The following SIGLEC10 variants were observed in gnomAD, a reference collection of about 807,000 sequenced individuals.
SIGLEC10 encodes the protein sialic acid-binding Ig-like lectin 10.
A neutral mutation model predicts 68.3 loss-of-function variants in SIGLEC10; 45 were observed. That is an observed-to-expected ratio of 0.66 (90% CI 0.52 to 0.84). The LOEUF (loss-of-function observed/expected upper bound fraction) is 0.84, where lower values mean the gene tolerates loss of function less well. Among genes scored for constraint, SIGLEC10 ranks in the 40% least tolerant of loss-of-function variants. SIGLEC10 has a pLI of 0.00. For synonymous variants in SIGLEC10, 379 were observed against 370.8 expected (o/e 1.02, Z -0.26); for missense variants, 789 against 883.1 (o/e 0.89, Z 1.35).
At position 51,414,633 on chromosome 19, in the gene SIGLEC10, C is replaced by G. The variant is rs532235874; in HGVS notation, c.1616-118G>C. On this transcript the variant is annotated intron_variant, in intron 8 of 10. Coordinates refer to ENST00000339313, the MANE Select transcript of SIGLEC10 (RefSeq NM_033130.5). The surrounding 1 kb of genome is among the most constrained non-coding windows in gnomAD (Gnocchi z 4.1). ...GGCGGACATTGTATCTGCAACCCCT[C>G]TGTTTACTTTTAGGAAACCCTGCCA... 1.5e-6 allele frequency: 2 copies of G among 1,357,490 alleles called. No homozygotes were observed. Among genetic ancestry groups the G allele is most frequent in the East Asian group, 4.7e-5 (2 of 42,336 alleles). The allele number at this position is 1,357,490 out of a possible 1,614,324, so 84.1% of individuals were successfully genotyped here.
chr19:51,415,997 C>G lies in SIGLEC10; in HGVS notation c.925G>C (p.Glu309Gln), dbSNP rs1241623020. ...TCCCCAGCCTTCACCCCGGGCAGCT[C>G]CAGCCCCAGGGGTCTAGGGCCCCAG... is the stretch of plus-strand genomic sequence containing the variant. Reference protein sequence around the residue: ...HPWGPRPLGLELPGVKAGDSG... With the variant: ...HPWGPRPLGLQLPGVKAGDSG... The change falls in exon 5 of 11, where the codon GAG becomes CAG. Residue 309 changes from glutamate to glutamine, a missense_variant. Glu to Gln is a conservative substitution (Grantham distance 29). Transcript: ENST00000339313. The G allele has an allele frequency of 4.3e-6, 7 of 1,613,472 alleles. No individual in the cohort carries two copies. Among genetic ancestry groups the G allele is most frequent in the Non-Finnish European group, 4.2e-6 (5 of 1,180,002 alleles).
At position 51,414,771 on chromosome 19, in the gene SIGLEC10, T is replaced by C. The variant is rs1988408141; in HGVS notation, c.1615+53A>G. 1 of 1,606,686 alleles carries C rather than the reference T, an allele frequency of 6.2e-7. No homozygotes were observed. Among genetic ancestry groups the C allele is most frequent in the Non-Finnish European group, 8.5e-7 (1 of 1,177,948 alleles). On this transcript the variant is annotated intron_variant, in intron 8 of 10. Transcript: ENST00000339313. This position sits in a 1 kb window ranked among gnomAD's most constrained non-coding sequence, Gnocchi z 4.1. ...GCTCCAACCACAGGACCCTACTCTT[T>C]GCCCCAGTCAGCTTCTCCTCCAAGA...
rs142490331 is a variant in SIGLEC10, at chr19:51,414,864, G to T, written c.1575C>A (p.Asn525Lys). ...SGLRLRCEAW[N>K]VHGAQSGSIL... The stretch of plus-strand genomic sequence containing the variant: ...TGGATCCACTCTGGGCCCCATGGAC[G>T]TTCCAGGCCTCACAGCGGAGCCTGA... Residue 525 changes from asparagine to lysine, a missense_variant, in exon 8 of 11, where the codon AAC becomes AAA. Asn to Lys is a moderately conservative substitution (Grantham distance 94). Coordinates refer to ENST00000339313, the MANE Select transcript of SIGLEC10 (RefSeq NM_033130.5). This position sits in a 1 kb window ranked among gnomAD's most constrained non-coding sequence, Gnocchi z 4.1. 7 of 1,614,084 alleles carry T rather than the reference G, an allele frequency of 4.3e-6. No homozygotes were observed. The South Asian group carries it at 7.7e-5, about 18-fold the overall frequency.
intron 10 of SIGLEC10, among the ~76,000 whole-genome samples, chr19:51,412,509 C>T (rs1260306518): frequency 1.3e-5 from 2 of 150,972 alleles, no homozygotes; most frequent in African/African-American, 2.4e-5. Flanking sequence ...GATGAAGTTT[C>T]GCTCTTGTTG....
In SIGLEC10 at chr19:51,411,012, G is replaced by A; in HGVS notation, c.*87C>T. On this transcript the variant is annotated 3_prime_UTR_variant, in exon 11 of 11. Coordinates refer to ENST00000339313, the MANE Select transcript of SIGLEC10 (RefSeq NM_033130.5). Reference sequence around the variant, plus strand: ...AGAGAAAGAGAGAGAGAGAGGGAGAGAAGGAAACTTTGCACTCTGTTATCT... The same window carrying A: ...AGAGAAAGAGAGAGAGAGAGGGAGAAAAGGAAACTTTGCACTCTGTTATCT... 1 of 1,428,466 alleles carries A rather than the reference G, an allele frequency of 7.0e-7. No individual in the cohort carries two copies. The highest frequency in any genetic ancestry group is 9.5e-7 in the Non-Finnish European group (1 of 1,052,768). 88.5% of individuals were successfully genotyped at this position (1,428,466 alleles called of 1,614,324 possible). A position where few individuals can be genotyped will look rare whatever the true frequency, so the allele number is the denominator to read the frequency against.
Position 51,415,987 on chromosome 19 carries a change from C to T in SIGLEC10, c.935G>A (p.Gly312Glu). ...GCGCCCTGAATCCCCAGCCTTCACC[C>T]CGGGCAGCTCCAGCCCCAGGGGTCT... ...GPRPLGLELP[G>E]VKAGDSGRYT... The change falls in exon 5 of 11, where the codon GGG becomes GAG. Residue 312 changes from glycine to glutamate, a missense_variant. Coordinates refer to ENST00000339313, the MANE Select transcript of SIGLEC10 (RefSeq NM_033130.5). 2 of 1,613,600 alleles carry T rather than the reference C, an allele frequency of 1.2e-6. No individual in the cohort carries two copies. The highest frequency in any genetic ancestry group is 1.7e-6 in the Non-Finnish European group (2 of 1,179,992).
In SIGLEC10 at chr19:51,415,919, C is replaced by T. The variant is rs1988573828; in HGVS notation, c.1003G>A (p.Ala335Thr). 5.0e-6 allele frequency: 8 copies of T among 1,613,126 alleles called. No individual in the cohort carries two copies. The highest frequency in any genetic ancestry group is 6.8e-6 in the Non-Finnish European group (8 of 1,180,006). ...AENRLGSQQR[A>T]LDLSVQYPPE... ...TCACACTGCACAGAGAGGTCCAGGGCTCGCTGCTGGGAGCCAAGCCTGTTC... is the reference window on the plus strand; with the variant it reads ...TCACACTGCACAGAGAGGTCCAGGGTTCGCTGCTGGGAGCCAAGCCTGTTC... Residue 335 changes from alanine (A) to threonine (T), a missense_variant, in exon 5 of 11, where the codon GCC (alanine) becomes ACC (threonine). Physicochemically the swap from Ala to Thr is moderately conservative, Grantham distance 58. Coordinates refer to ENST00000339313, the MANE Select transcript of SIGLEC10 (RefSeq NM_033130.5).
Position 51,413,688 on chromosome 19 carries a change from T to C in SIGLEC10, c.1821+24A>G, listed in dbSNP as rs111875734. ...TGTCAGCTTTAGAGAAGAGAAAAAG[T>C]GGAAGCATGGCCCAGACACTCACCA... On this transcript the variant is annotated intron_variant, in intron 10 of 10. Coordinates refer to ENST00000339313, the MANE Select transcript of SIGLEC10 (RefSeq NM_033130.5). 6,221 of 1,600,432 alleles carry C rather than the reference T, an allele frequency of 3.9e-3. 100 individuals carry two copies. The African/African-American group carries it at 0.045, about 12-fold the overall frequency.
At chr19:51,415,144 C>T (rs778353591) in intron 7 of SIGLEC10, 36 bp from the exon 8 acceptor site, 3 of 1,578,112 alleles carry the variant, frequency 1.9e-6, no homozygotes, top group Middle Eastern at 1.7e-4. Context: ...GCAGGGTCCC[C>T]TTCCTGGGAC....
rs756996525 is a variant in SIGLEC10, at chr19:51,416,516, C to T, written c.706+150G>A. 5.1e-6 allele frequency: 8 copies of T among 1,576,636 alleles called. No homozygotes were observed. The African/African-American group carries it at 5.4e-5, about 11-fold the overall frequency. On this transcript the variant is annotated intron_variant, in intron 3 of 10. Transcript: ENST00000339313. The stretch of plus-strand genomic sequence containing the variant: ...TGGACCAGACGCCATTCCCATCCCC[C>T]TCCCAGGGCTGCGGCGGCATCCTGG...
chr19:51,415,558 C>T lies in SIGLEC10; in HGVS notation c.1072+10G>A, dbSNP rs753812287. The T allele has an allele frequency of 6.2e-6, 10 of 1,613,928 alleles. No individual in the cohort carries two copies. Among genetic ancestry groups the T allele is most frequent in the Non-Finnish European group, 8.5e-6 (10 of 1,179,922 alleles). On this transcript the variant is annotated intron_variant, in intron 6 of 10. Transcript: ENST00000339313. ...CTGAGAGGCCTTGGCTCCTCTGTCCCCTTTCCTACCTGTCCTGTTTGCTTG... is the reference window on the plus strand; with the variant it reads ...CTGAGAGGCCTTGGCTCCTCTGTCCTCTTTCCTACCTGTCCTGTTTGCTTG...
At position 51,417,104 on chromosome 19, in the gene SIGLEC10, A is replaced by G; in HGVS notation, c.399T>C (p.Asp133=). The change falls in exon 2 of 11, where the codon GAT becomes GAC. Residue 133 remains aspartate, a synonymous_variant. Coordinates refer to ENST00000339313, the MANE Select transcript of SIGLEC10 (RefSeq NM_033130.5). ...GSYVRYNFMN[D]GFFLKVTALT... ...TACCTGTTACTTTTAGAAAGAACCC[A>G]TCGTTCATGAAATTATATCTCACAT... The G allele has an allele frequency of 6.2e-7, 1 of 1,614,174 alleles. No individual in the cohort carries two copies. Among genetic ancestry groups the G allele is most frequent in the Non-Finnish European group, 8.5e-7 (1 of 1,180,004 alleles).
chr19:51,410,428 C>G lies in SIGLEC10; in HGVS notation c.*671G>C, dbSNP rs1027242379. The G allele has an allele frequency of 1.3e-5, 2 of 152,370 alleles. No individual in the cohort carries two copies. The highest frequency in any genetic ancestry group is 4.8e-5 in the African/African-American group (2 of 41,466). The allele number at this position is 152,370 out of a possible 1,614,324, so 9.4% of individuals were successfully genotyped here. ...TCTGAGAATGCAGCCCAGTAGGTCT[C>G]AGCCTCATTTTATTCAGCTCCTATT... On this transcript the variant is annotated 3_prime_UTR_variant, in exon 11 of 11. Coordinates refer to ENST00000339313, the MANE Select transcript of SIGLEC10 (RefSeq NM_033130.5).
In SIGLEC10 at chr19:51,415,461, C is replaced by G. The variant is rs200313674; in HGVS notation, c.1073-23G>C. 72 of 1,609,578 alleles carry G rather than the reference C, an allele frequency of 4.5e-5. No homozygotes were observed. In the East Asian group the frequency reaches 1.6e-3, roughly 35 times the overall value. On this transcript the variant is annotated intron_variant, in intron 6 of 10. Transcript: ENST00000339313. The stretch of plus-strand genomic sequence containing the variant: ...GGACTAGGGAAGGAAGAGGCAGAAT[C>G]GATGAGCAGCTCAGGGCTCAGGGAC...
At chr19:51,415,695 G>T (rs1335337546) in intron 5 of SIGLEC10, 80 bp from the exon 6 acceptor site, 6 of 1,608,190 alleles carry the variant, frequency 3.7e-6, no homozygotes, top group Non-Finnish European at 5.1e-6. Flanking sequence ...GGACACTGAG[G>T]TGGGGGAAGT....
rs143183042 is a variant in SIGLEC10, at chr19:51,415,921, C to T, written c.1001G>A (p.Arg334Gln). 2.8e-4 allele frequency: 445 copies of T among 1,612,876 alleles called. No individual in the cohort carries two copies. Among genetic ancestry groups the T allele is most frequent in the Middle Eastern group, 7.6e-4 (4 of 5,270 alleles). Residue 334 changes from arginine to glutamine, a missense_variant, in exon 5 of 11, where the codon CGA becomes CAA. Transcript: ENST00000339313. Reference sequence around the variant, plus strand: ...ACACTGCACAGAGAGGTCCAGGGCTCGCTGCTGGGAGCCAAGCCTGTTCTC... The same window carrying T: ...ACACTGCACAGAGAGGTCCAGGGCTTGCTGCTGGGAGCCAAGCCTGTTCTC... Reference protein sequence around the residue: ...RAENRLGSQQRALDLSVQYPP... With the variant: ...RAENRLGSQQQALDLSVQYPP...
intron 3 of SIGLEC10, 30 bp from the exon 4 acceptor site, chr19:51,416,387 G>A: frequency 6.2e-7 from 1 of 1,614,126 alleles, no homozygotes; most frequent in South Asian, 1.1e-5. Context: ...TGGCTTCAGG[G>A]AGGGACAATT....
Position 51,414,332 on chromosome 19 carries a change from T to A in SIGLEC10, c.1709+90A>T, listed in dbSNP as rs1988315850. On this transcript the variant is annotated intron_variant, in intron 9 of 10. Transcript: ENST00000339313. The surrounding 1 kb of genome is among the most constrained non-coding windows in gnomAD (Gnocchi z 4.1). The stretch of plus-strand genomic sequence containing the variant: ...ATGTAACCTCCAGAGGTATACTGCG[T>A]TGATCACGACCTTCACTCTTTCGGC... 1.9e-6 allele frequency: 2 copies of A among 1,076,736 alleles called. No individual in the cohort carries two copies. The highest frequency in any genetic ancestry group is 3.1e-5 in the African/African-American group (2 of 63,952). The allele number at this position is 1,076,736 out of a possible 1,614,324, so 66.7% of individuals were successfully genotyped here.
At position 51,416,023 on chromosome 19, in the gene SIGLEC10, G is replaced by A. The variant is rs868611106; in HGVS notation, c.899C>T (p.Pro300Leu). 2 of 1,613,398 alleles carry A rather than the reference G, an allele frequency of 1.2e-6. No homozygotes were observed. The highest frequency in any genetic ancestry group is 1.7e-6 in the Non-Finnish European group (2 of 1,179,968). ...LQNRVLSSSH[P>L]WGPRPLGLEL... ...CAGCCCCAGGGGTCTAGGGCCCCAG[G>A]GATGGGACGAGGAGAGGACTCTGTT... Residue 300 changes from proline to leucine, a missense_variant, in exon 5 of 11, where the codon CCC becomes CTC. Transcript: ENST00000339313.
Sources: allele counts gnomAD v4.1 joint callset (sites outside exome capture counted in the v4.1 genomes callset), GRCh38; gene constraint gnomAD v4.1.1; non-coding constraint Gnocchi (gnomAD v3.1); transcripts MANE v1.5; gene names NCBI Gene and HGNC (gene_info 2026-07-23, HGNC 2026-07-21).